Variants in GRAMD1B observed in about 807,000 individuals in gnomAD.
GRAMD1B encodes protein Aster-B.
GRAMD1B carries 37 observed loss-of-function variants against 99.7 expected under a neutral mutation model. The ratio of observed to expected loss-of-function variants is 0.37; its 90% confidence interval spans 0.29 to 0.49. GRAMD1B has a LOEUF of 0.49. Ranked by LOEUF, GRAMD1B falls within the 20% of genes least tolerant of loss-of-function variation. The probability of loss-of-function intolerance (pLI) is 0.98; values close to 1 mark genes in which losing one functional copy is unlikely to be tolerated. For missense variants in GRAMD1B, 888 were observed against 1,009.2 expected (o/e 0.88, Z 1.63); for synonymous variants, 427 against 387.6 (o/e 1.10, Z -1.19).
intron 4 of GRAMD1B, among the ~76,000 whole-genome samples, chr11:123,590,528 A>G (rs530829807): frequency 2.0e-5 from 3 of 152,176 alleles, no homozygotes; most frequent in Non-Finnish European, 4.4e-5. Context: ...GGCCGGGACC[A>G]TCACCCAGAT....
At chr11:123,506,895 A>G (rs918191175) in intron 2 of GRAMD1B, among the ~76,000 whole-genome samples, 1 of 151,954 alleles carries the variant, frequency 6.6e-6, no homozygotes, top group Admixed American at 6.6e-5. Context: ...TAGGTTGTCT[A>G]CTCTGCAGTT....
chr11:123,408,597 A>T (rs951922695), intron 1 of GRAMD1B, among the ~76,000 whole-genome samples: 1 of 152,182 alleles, frequency 6.6e-6, no homozygotes, highest in Admixed American at 6.5e-5. Flanking sequence ...AAATTCTGAG[A>T]CTCCCTCCCT....
At chr11:123,566,332 G>A (rs1947363839) in intron 2 of GRAMD1B, among the ~76,000 whole-genome samples, 1 of 152,190 alleles carries the variant, frequency 6.6e-6, no homozygotes, top group Non-Finnish European at 1.5e-5. Flanking sequence ...TGGAAGTGAT[G>A]TCATATTTTA....
rs201635767 is a variant in GRAMD1B, at chr11:123,598,207, T to C, written c.969+2170T>C. ...CCGCTGGAAGGCTTTGGGTCCTCGG[T>C]AGGTGTAGTTTCCACAGATCTCACA... On this transcript the variant is annotated intron_variant, in intron 7 of 19. Coordinates refer to ENST00000635736, the MANE Select transcript of GRAMD1B (RefSeq NM_001387025.1). 2.0e-5 allele frequency: 29 copies of C among 1,420,170 alleles called. No homozygotes were observed. In the East Asian group the frequency reaches 4.8e-4, roughly 23 times the overall value. 88.0% of individuals were successfully genotyped at this position (1,420,170 alleles called of 1,614,324 possible).
intron 4 of GRAMD1B, among the ~76,000 whole-genome samples, chr11:123,585,558 A>T (rs1476244638): frequency 6.6e-6 from 1 of 152,122 alleles, no homozygotes; most frequent in African/African-American, 2.4e-5. Context: ...GTGGGAGAGA[A>T]GCCACACTCT....
upstream of GRAMD1B, among the ~76,000 whole-genome samples, chr11:123,427,809 C>G (rs1011251382): frequency 6.6e-6 from 1 of 152,096 alleles, no homozygotes. Context: ...TCCCTCAGGC[C>G]GGGTGAAATG....
intron 1 of GRAMD1B, among the ~76,000 whole-genome samples, chr11:123,457,771 C>T (rs968964977): frequency 3.9e-5 from 6 of 152,112 alleles, no homozygotes; most frequent in Admixed American, 1.3e-4. Context: ...GGCTGGAGTG[C>T]GCTGGTGCAA....
intron 1 of GRAMD1B, among the ~76,000 whole-genome samples, chr11:123,447,219 C>T (rs547659260): frequency 6.6e-6 from 1 of 152,314 alleles, no homozygotes; most frequent in East Asian, 1.9e-4. Context: ...CAGCTGCCAC[C>T]TGTCAGCACC....
chr11:123,580,688 A>G (rs1469710176), intron 3 of GRAMD1B, among the ~76,000 whole-genome samples: 1 of 152,086 alleles, frequency 6.6e-6, no homozygotes, highest in East Asian at 1.9e-4. Context: ...CTTCCCTCCC[A>G]ATGAGTTTGT....
At chr11:123,520,569 A>G (rs867943254) in intron 2 of GRAMD1B, among the ~76,000 whole-genome samples, 1 of 152,010 alleles carries the variant, frequency 6.6e-6, no homozygotes, top group Non-Finnish European at 1.5e-5. Context: ...CCAGGAGTTC[A>G]AGAACAGCCT....
intron 2 of GRAMD1B, among the ~76,000 whole-genome samples, chr11:123,495,706 T>C (rs115726059): frequency 0.022 from 3,402 of 151,862 alleles, 56 homozygotes; most frequent in African/African-American, 0.028. Context: ...TTTTCTTGTT[T>C]TTTATTTTTT....
chr11:123,583,211 C>T (rs1264750418), intron 3 of GRAMD1B, among the ~76,000 whole-genome samples: 2 of 147,662 alleles, frequency 1.4e-5, no homozygotes, highest in East Asian at 2.0e-4. Flanking sequence ...TACGTGTATT[C>T]GTGCGTGTGT....
chr11:123,499,883 A>G (rs1939682352), intron 2 of GRAMD1B, among the ~76,000 whole-genome samples: 1 of 152,246 alleles, frequency 6.6e-6, no homozygotes. Context: ...AAACTCCACT[A>G]CACGCTTGCT....
At chr11:123,611,245 G>T (rs2136966701) in intron 14 of GRAMD1B, among the ~76,000 whole-genome samples, 1 of 152,218 alleles carries the variant, frequency 6.6e-6, no homozygotes, top group South Asian at 2.1e-4. Flanking sequence ...AGACCAGCCT[G>T]GGCAATGTAG....
rs759740790 is a variant in GRAMD1B, at chr11:123,609,927, C to T, written c.1776+14C>T. 88 of 1,378,864 alleles carry T rather than the reference C, an allele frequency of 6.4e-5. No homozygotes were observed. Among genetic ancestry groups the T allele is most frequent in the Middle Eastern group, 3.5e-4 (2 of 5,666 alleles). 85.4% of individuals were successfully genotyped at this position (1,378,864 alleles called of 1,614,324 possible). A position where few individuals can be genotyped will look rare whatever the true frequency, so the allele number is the denominator to read the frequency against. ...AGGGAGACACAGGTGAGCAGAGCCG[C>T]GGATGCACAGAAGAGCGAGCTGGAA... is the stretch of plus-strand genomic sequence containing the variant. On this transcript the variant is annotated intron_variant, in intron 13 of 19. Coordinates refer to ENST00000635736, the MANE Select transcript of GRAMD1B (RefSeq NM_001387025.1).
intron 1 of GRAMD1B, among the ~76,000 whole-genome samples, chr11:123,456,745 C>T (rs555924159): frequency 6.6e-6 from 1 of 151,928 alleles, no homozygotes; most frequent in African/African-American, 2.4e-5. Flanking sequence ...AATGATGAAA[C>T]TCCGTCTCTA....
At chr11:123,557,750 C>A (rs914393694) in intron 2 of GRAMD1B, among the ~76,000 whole-genome samples, 2 of 152,110 alleles carry the variant, frequency 1.3e-5, no homozygotes, top group Non-Finnish European at 2.9e-5. Context: ...CCCTGACATA[C>A]GGTTTTAACC....
chr11:123,372,584 A>T (rs1196371587), intron 1 of GRAMD1B, among the ~76,000 whole-genome samples: 1 of 152,140 alleles, frequency 6.6e-6, no homozygotes, highest in Non-Finnish European at 1.5e-5. Flanking sequence ...GTGGGGCAAC[A>T]TGTAAAGTAT....
At chr11:123,468,809 A>G (rs2134626197) in intron 1 of GRAMD1B, among the ~76,000 whole-genome samples, 1 of 151,450 alleles carries the variant, frequency 6.6e-6, no homozygotes, top group African/African-American at 2.4e-5. Context: ...AAAAAAAAAA[A>G]AAAAAAGTAG....
Sources: gnomAD v4.1 joint callset for allele counts (sites outside exome capture counted in the v4.1 genomes callset) on GRCh38, gnomAD v4.1.1 for gene constraint, MANE v1.5 for transcripts, NCBI Gene and HGNC (gene_info 2026-07-23, HGNC 2026-07-21) for gene names.